Variants in CNBD1 observed in about 807,000 individuals in gnomAD.
CNBD1 encodes cyclic nucleotide-binding domain-containing protein 1.
A neutral mutation model predicts 54.4 loss-of-function variants in CNBD1; 71 were observed. The observed-to-expected ratio is 1.30, with a 90% CI of 1.08 to 1.59. The LOEUF (loss-of-function observed/expected upper bound fraction) is 1.59. Among genes scored for constraint, CNBD1 ranks in the 40% most tolerant of loss-of-function variants. The pLI, the probability that CNBD1 is intolerant of heterozygous loss-of-function variation, is 0.00. For missense variants in CNBD1, 659 were observed against 518.0 expected (o/e 1.27, Z -2.64); for synonymous variants, 182 against 170.7 (o/e 1.07, Z -0.51).
intron 4 of CNBD1, among the ~76,000 whole-genome samples, chr8:87,204,760 G>A (rs1202747999): frequency 2.0e-5 from 3 of 152,080 alleles, no homozygotes; most frequent in Non-Finnish European, 4.4e-5. Context: ...TACAGCCTGT[G>A]ATATTATTTC....
rs961469212 is a variant in CNBD1 at position 86,871,611 on chromosome 8, A to G, written c.88+5028A>G. Among the ~76,000 whole-genome samples the G allele has an allele frequency of 2.6e-5, 4 of 152,224 alleles. No individual in the cohort carries two copies. The South Asian group carries it at 8.3e-4, about 32-fold the overall frequency. Reference sequence around the variant, plus strand: ...TTCCATCTATGTAACTCTCCACTACAGCTAAAACACTTTGTTATTCCTTAA... The same window carrying G: ...TTCCATCTATGTAACTCTCCACTACGGCTAAAACACTTTGTTATTCCTTAA... On this transcript the variant is annotated intron_variant, in intron 1 of 10. Coordinates refer to ENST00000518476, the MANE Select transcript of CNBD1 (RefSeq NM_173538.3).
chr8:87,148,616 A>G lies in CNBD1; in HGVS notation c.432-57377A>G, dbSNP rs994385363. Among the ~76,000 whole-genome samples the G allele has an allele frequency of 8.5e-5, 13 of 152,250 alleles. No homozygotes were observed. In the East Asian group the frequency reaches 9.7e-4, roughly 11 times the overall value. ...ACGTGCTGTGATGTTTAATTTAACT[A>G]TGGAACACAGAGCTCCTGGGGAGAG... is the stretch of plus-strand genomic sequence containing the variant. On this transcript the variant is annotated intron_variant, in intron 4 of 10. Coordinates refer to ENST00000518476, the MANE Select transcript of CNBD1 (RefSeq NM_173538.3).
intron 8 of CNBD1, among the ~76,000 whole-genome samples, chr8:87,323,842 G>A (rs1192997699): frequency 1.6e-5 from 2 of 127,650 alleles, no homozygotes; most frequent in East Asian, 4.0e-4. Flanking sequence ...ACACTGTGTT[G>A]AATAGGAGTG....
chr8:87,292,246 G>C (rs1237859587), intron 8 of CNBD1, among the ~76,000 whole-genome samples: 4 of 152,130 alleles, frequency 2.6e-5, no homozygotes, highest in Non-Finnish European at 5.9e-5. Context: ...AGGCTATACT[G>C]TCTTAAACTC....
intron 10 of CNBD1, 29 bp from the exon 11 acceptor site, chr8:87,382,591 C>A: frequency 6.5e-7 from 1 of 1,527,536 alleles, no homozygotes; most frequent in Non-Finnish European, 8.9e-7. Context: ...TATTATGTAA[C>A]TTCTTGTTTG....
chr8:87,237,196 C>A, intron 6 of CNBD1, 84 bp downstream of exon 6: 2 of 735,484 alleles, frequency 2.7e-6, no homozygotes, highest in Non-Finnish European at 4.4e-6. Flanking sequence ...CATTAAGATC[C>A]AATATCTTTA....
At chr8:87,341,030 C>T (rs1258822261) in intron 8 of CNBD1, among the ~76,000 whole-genome samples, 1 of 152,046 alleles carries the variant, frequency 6.6e-6, no homozygotes, top group Non-Finnish European at 1.5e-5. Flanking sequence ...TACATACGTT[C>T]ATACAGGGAA....
chr8:87,034,544 A>G (rs1248275320), intron 4 of CNBD1, among the ~76,000 whole-genome samples: 2 of 152,180 alleles, frequency 1.3e-5, no homozygotes, highest in Non-Finnish European at 2.9e-5. Flanking sequence ...TTACATGTCT[A>G]TTAACTGTGA....
At chr8:86,935,647 T>C (rs1476174271) in intron 3 of CNBD1, among the ~76,000 whole-genome samples, 7 of 152,160 alleles carry the variant, frequency 4.6e-5, no homozygotes, top group Admixed American at 2.6e-4. Context: ...TTCTCAAAAA[T>C]TTTTTGCCAA....
At chr8:86,895,046 A>T (rs1435454807) in intron 2 of CNBD1, among the ~76,000 whole-genome samples, 1 of 152,126 alleles carries the variant, frequency 6.6e-6, no homozygotes, top group East Asian at 1.9e-4. Flanking sequence ...CAATCTCATG[A>T]TAATTAACCT....
intron 8 of CNBD1, among the ~76,000 whole-genome samples, chr8:87,333,790 C>T (rs561947270): frequency 7.5e-4 from 114 of 152,154 alleles, no homozygotes; most frequent in Non-Finnish European, 1.1e-3. Flanking sequence ...TGAGGATTTT[C>T]GCACCAGTGT....
chr8:87,172,172 TTAA>T (rs964116876), intron 4 of CNBD1, among the ~76,000 whole-genome samples: 2 of 152,052 alleles, frequency 1.3e-5, no homozygotes, highest in African/African-American at 2.4e-5. Context: ...AGAATTCTTG[TTAA>T]TAATAATAAG....
intron 4 of CNBD1, among the ~76,000 whole-genome samples, chr8:87,016,593 T>C (rs1034798853): frequency 6.6e-6 from 1 of 152,204 alleles, no homozygotes; most frequent in African/African-American, 2.4e-5. Flanking sequence ...TGTTTCATTT[T>C]GTAGATTAGT....
intron 4 of CNBD1, among the ~76,000 whole-genome samples, chr8:87,021,009 A>T (rs1488312066): frequency 2.6e-5 from 4 of 152,208 alleles, no homozygotes; most frequent in Non-Finnish European, 5.9e-5. Context: ...TCAACCAGAA[A>T]ATGTTCAAAT....
chr8:87,239,758 C>A (rs564619939), intron 6 of CNBD1, among the ~76,000 whole-genome samples: 1 of 152,152 alleles, frequency 6.6e-6, no homozygotes, highest in African/African-American at 2.4e-5. Context: ...TGTTCTAACT[C>A]TTTACTACAC....
At chr8:86,990,140 T>C (rs1808712460) in intron 4 of CNBD1, among the ~76,000 whole-genome samples, 1 of 152,170 alleles carries the variant, frequency 6.6e-6, no homozygotes, top group African/African-American at 2.4e-5. Context: ...TTTATTCCAT[T>C]CTGTGGGTTG....
chr8:87,406,447 T>TAC (rs36222951), intron 2 of CNBD1, among the ~76,000 whole-genome samples: 1,983 of 122,128 alleles, frequency 0.016, 44 homozygotes, highest in East Asian at 0.08. Context: ...TATGTGTGTA[T>TAC]ACACACACAC....
intron 4 of CNBD1, among the ~76,000 whole-genome samples, chr8:87,188,698 C>T (rs769060922): frequency 1.9e-4 from 29 of 149,166 alleles, no homozygotes; most frequent in Non-Finnish European, 3.8e-4. Context: ...TACAAGATCA[C>T]GATGATCATG....
At chr8:86,936,057 A>C (rs1045639463) in intron 3 of CNBD1, among the ~76,000 whole-genome samples, 1 of 152,094 alleles carries the variant, frequency 6.6e-6, no homozygotes, top group Non-Finnish European at 1.5e-5. Context: ...GGAGGATTGC[A>C]TGAGCTGGGA....
Sources: allele counts gnomAD v4.1 joint callset (sites outside exome capture counted in the v4.1 genomes callset), GRCh38; gene constraint gnomAD v4.1.1; transcripts MANE v1.5; gene names NCBI Gene and HGNC (gene_info 2026-07-23, HGNC 2026-07-21).